The following ST18 variants were observed in gnomAD, a reference collection of about 807,000 sequenced individuals.
The protein encoded by ST18 is suppression of tumorigenicity 18 protein.
A neutral mutation model predicts 110.0 loss-of-function variants in ST18; 50 were observed. That is an observed-to-expected ratio of 0.45 (90% CI 0.36 to 0.58). The LOEUF is 0.58. ST18 is among the 20% of genes least tolerant of loss of function. The probability of loss-of-function intolerance (pLI) is 0.00; values close to 1 mark genes in which losing one functional copy is unlikely to be tolerated. For synonymous variants in ST18, 461 were observed against 452.4 expected, an observed-to-expected ratio of 1.02 and a Z score of -0.24; for missense variants, 1,306 against 1,280.1, an observed-to-expected ratio of 1.02 and a Z score of -0.31.
intron 2 of ST18, among the ~76,000 whole-genome samples, chr8:52,329,233 GTGTGTGTGTGTGTTTC>G (rs1211862182): frequency 1.3e-5 from 2 of 150,252 alleles, no homozygotes; most frequent in African/African-American, 2.5e-5. Context: ...GTGTGTGTGT[GTGTGTGTGTGTGTTTC>G]TGTGTGTGTG....
intron 8 of ST18, among the ~76,000 whole-genome samples, chr8:52,208,045 T>C (rs2080736832): frequency 6.6e-6 from 1 of 152,188 alleles, no homozygotes; most frequent in African/African-American, 2.4e-5. Flanking sequence ...ATAAGAAATA[T>C]GATTAAAGGT....
chr8:52,399,665 T>A (rs1300290503), intron 2 of ST18, among the ~76,000 whole-genome samples: 1 of 152,056 alleles, frequency 6.6e-6, no homozygotes, highest in Non-Finnish European at 1.5e-5. Flanking sequence ...ATTTTTAAAT[T>A]TCCTTTTGAC....
At chr8:52,328,870 G>T (rs1191930978) in intron 2 of ST18, among the ~76,000 whole-genome samples, 2 of 152,098 alleles carry the variant, frequency 1.3e-5, no homozygotes, top group Admixed American at 1.3e-4. Flanking sequence ...CTGTCTGCTG[G>T]GGGAGGGATG....
intron 2 of ST18, among the ~76,000 whole-genome samples, chr8:52,351,056 G>A (rs578255365): frequency 7.2e-5 from 11 of 152,078 alleles, no homozygotes; most frequent in African/African-American, 1.2e-4. Context: ...AAATATTAGC[G>A]TATTAATAAC....
rs965033956 is a variant in ST18 at position 52,184,399 on chromosome 8, G to A, written c.87-4087C>T. ...TGACTGTATTAAAATCTATTTAAAAGATCTGTATTTTTTACCTGAAACTTT... is the reference window on the plus strand; with the variant it reads ...TGACTGTATTAAAATCTATTTAAAAAATCTGTATTTTTTACCTGAAACTTT... On this transcript the variant is annotated intron_variant, in intron 8 of 25. Coordinates refer to ENST00000689386, the MANE Select transcript of ST18 (RefSeq NM_001352837.2). Among the ~76,000 whole-genome samples the A allele has an allele frequency of 2.6e-5, 4 of 152,060 alleles. No homozygotes were observed. The South Asian group carries it at 8.3e-4, about 31-fold the overall frequency.
In ST18 at chr8:52,159,005, T is replaced by C. The variant is rs1465943169; in HGVS notation, c.1699A>G (p.Ser567Gly). ...GCTGCTGCTATGTGGGTGTCTTCAC[T>C]ACATTGACCGTAGCTATAAGAGCTG... ...RASSYSYGQC[S>G]EDTHIAAAAA... The change falls in exon 15 of 26, where the codon AGT becomes GGT. Residue 567 changes from serine to glycine, a missense_variant. Physicochemically the swap from Ser to Gly is moderately conservative, Grantham distance 56. Transcript: ENST00000689386. 1.2e-6 allele frequency: 2 copies of C among 1,614,112 alleles called. No homozygotes were observed. Among genetic ancestry groups the C allele is most frequent in the African/African-American group, 2.7e-5 (2 of 75,030 alleles).
chr8:52,180,996 C>T (rs2069262805), intron 8 of ST18, among the ~76,000 whole-genome samples: 1 of 152,226 alleles, frequency 6.6e-6, no homozygotes, highest in Admixed American at 6.5e-5. Flanking sequence ...ATCCTCACTC[C>T]TGTTCTCATA....
chr8:52,241,851 T>C lies in ST18; in HGVS notation c.-464-11774A>G, dbSNP rs531388600. Among the ~76,000 whole-genome samples, 272 of 152,308 alleles carry C rather than the reference T, an allele frequency of 1.8e-3. 1 individual carries two copies. The highest frequency in any genetic ancestry group is 6.2e-3 in the African/African-American group (258 of 41,572). On this transcript the variant is annotated intron_variant, in intron 2 of 25. Transcript: ENST00000689386. ...TGTGGCATCTACCTAGGAGGAGCTA[T>C]AATAATGTAATTGAAACTCTTCCTT...
At chr8:52,292,791 C>T (rs1314812839) in intron 2 of ST18, among the ~76,000 whole-genome samples, 3 of 152,310 alleles carry the variant, frequency 2.0e-5, no homozygotes, top group Middle Eastern at 3.4e-3. Flanking sequence ...AGCAAACACA[C>T]ACAAAGCCTT....
At chr8:52,309,171 G>A (rs926322528) in intron 2 of ST18, among the ~76,000 whole-genome samples, 1 of 152,124 alleles carries the variant, frequency 6.6e-6, no homozygotes, top group South Asian at 2.1e-4. Context: ...GGTGGGTGGC[G>A]GTGGCTACCC....
chr8:52,385,222 G>A (rs1294387261), intron 2 of ST18, among the ~76,000 whole-genome samples: 1 of 152,168 alleles, frequency 6.6e-6, no homozygotes, highest in Admixed American at 6.5e-5. Flanking sequence ...GGAAACTCTT[G>A]TCATGGCTAA....
intron 2 of ST18, among the ~76,000 whole-genome samples, chr8:52,245,092 C>T (rs1209246781): frequency 6.6e-6 from 1 of 152,098 alleles, no homozygotes; most frequent in African/African-American, 2.4e-5. Context: ...AATGTTAAGA[C>T]TAATTCTCCA....
chr8:52,398,332 C>A (rs560719052), intron 2 of ST18, among the ~76,000 whole-genome samples: 1 of 152,220 alleles, frequency 6.6e-6, no homozygotes, highest in East Asian at 1.9e-4. Flanking sequence ...ATCTACGGGG[C>A]TTTCTGTATA....
chr8:52,127,712 T>C (rs1181498237), intron 22 of ST18, among the ~76,000 whole-genome samples: 1 of 151,910 alleles, frequency 6.6e-6, no homozygotes, highest in Non-Finnish European at 1.5e-5. Flanking sequence ...GCAAAGAATA[T>C]AGTTATGAAA....
intron 2 of ST18, among the ~76,000 whole-genome samples, chr8:52,305,699 C>A (rs1013049987): frequency 6.6e-6 from 1 of 152,186 alleles, no homozygotes; most frequent in Non-Finnish European, 1.5e-5. Context: ...TCACCGCATC[C>A]GGTGTATCAG....
intron 23 of ST18, among the ~76,000 whole-genome samples, chr8:52,119,178 T>C (rs1315640743): frequency 6.6e-6 from 1 of 151,880 alleles, no homozygotes; most frequent in African/African-American, 2.4e-5. Context: ...AATAGGCATG[T>C]TATCTACACT....
intron 8 of ST18, among the ~76,000 whole-genome samples, chr8:52,208,816 AAAAT>A (rs74780314): frequency 0.12 from 18,633 of 151,270 alleles, 2,718 homozygotes; most frequent in African/African-American, 0.35. Flanking sequence ...AGGCTTCGCC[AAAAT>A]AAATAAATAA....
intron 2 of ST18, among the ~76,000 whole-genome samples, chr8:52,363,626 C>T (rs1354068753): frequency 6.6e-6 from 1 of 152,128 alleles, no homozygotes; most frequent in Non-Finnish European, 1.5e-5. Flanking sequence ...ATGCATTCAA[C>T]ATATATTAAG....
intron 2 of ST18, among the ~76,000 whole-genome samples, chr8:52,350,296 G>C (rs571105229): frequency 6.6e-6 from 1 of 152,274 alleles, no homozygotes; most frequent in South Asian, 2.1e-4. Context: ...CAGTGGATTA[G>C]AGCACTAGAG....
Sources: gnomAD v4.1 joint callset for allele counts (sites outside exome capture counted in the v4.1 genomes callset) on GRCh38, gnomAD v4.1.1 for gene constraint, MANE v1.5 for transcripts, NCBI Gene and HGNC (gene_info 2026-07-23, HGNC 2026-07-21) for gene names.